The following ACSL5 variants were observed in gnomAD, a reference collection of about 807,000 sequenced individuals.
ACSL5 encodes the protein acyl-CoA synthetase long chain family member 5, also known as long-chain-fatty-acid--CoA ligase 5.
Under a neutral mutation model 84.9 loss-of-function variants are expected in ACSL5, and 50 were observed. The ratio of observed to expected loss-of-function variants is 0.59; its 90% CI spans 0.47 to 0.75. The LOEUF (loss-of-function observed/expected upper bound fraction) is 0.75. ACSL5 is among the 30% of genes least tolerant of loss of function. ACSL5 has a pLI of 0.00. For missense variants in ACSL5, 775 were observed against 830.4 expected (o/e 0.93, Z 0.82); for synonymous variants, 280 against 300.7 (o/e 0.93, Z 0.71).
At chr10:112,413,727 AAAAT>A (rs1844243016) in intron 12 of ACSL5, among the ~76,000 whole-genome samples, 1 of 152,202 alleles carries the variant, frequency 6.6e-6, no homozygotes, top group Non-Finnish European at 1.5e-5. Flanking sequence ...TCCATCTCAA[AAAAT>A]AAATAAAAAT....
intron 6 of ACSL5, 118 bp from the exon 7 acceptor site, chr10:112,409,389 G>A (rs1844123422): frequency 3.7e-6 from 3 of 800,794 alleles, no homozygotes; most frequent in East Asian, 2.5e-5. Context: ...ATTTGCAGGT[G>A]TAATCTCCTT....
intron 1 of ACSL5, among the ~76,000 whole-genome samples, chr10:112,386,945 A>G (rs1849466183): frequency 6.6e-6 from 1 of 152,214 alleles, no homozygotes; most frequent in African/African-American, 2.4e-5. Context: ...ACTGAAACAT[A>G]CTAGTTACCT....
At chr10:112,380,556 T>C (rs375898367) in intron 1 of ACSL5, among the ~76,000 whole-genome samples, 1 of 149,700 alleles carries the variant, frequency 6.7e-6, no homozygotes, top group Non-Finnish European at 1.5e-5. Flanking sequence ...CTTGTCCCAC[T>C]TTAGTGCCTC....
rs1288497566 is a variant in ACSL5, at chr10:112,408,483, C to A, written c.494C>A (p.Thr165Asn). 6.2e-7 allele frequency: 1 copy of A among 1,613,538 alleles called. No individual in the cohort carries two copies. Among genetic ancestry groups the A allele is most frequent in the Non-Finnish European group, 8.5e-7 (1 of 1,179,534 alleles). Reference sequence around the variant, plus strand: ...ATGGTAGCTGTACCTCTGTATGACACCTTGGGACCAGAAGCCATCGTACAT... The same window carrying A: ...ATGGTAGCTGTACCTCTGTATGACAACTTGGGACCAGAAGCCATCGTACAT... ...YSMVAVPLYD[T>N]LGPEAIVHIV... Residue 165 changes from threonine (T) to asparagine (N), a missense_variant, in exon 6 of 21, where the codon ACC becomes AAC. Physicochemically the swap from Thr to Asn is moderately conservative, Grantham distance 65. Coordinates refer to ENST00000354655, the MANE Select transcript of ACSL5 (RefSeq NM_203379.2).
At chr10:112,418,968 AC>A (rs1726825747) in intron 14 of ACSL5, 1 of 152,322 alleles carries the variant, frequency 6.6e-6, no homozygotes, top group East Asian at 1.9e-4. Flanking sequence ...GGTCAACCGT[AC>A]CCAAATAACT....
intron 1 of ACSL5, among the ~76,000 whole-genome samples, chr10:112,381,622 C>T (rs1215308677): frequency 3.5e-5 from 5 of 141,458 alleles, no homozygotes; most frequent in Non-Finnish European, 7.5e-5. Context: ...GAGCCAAGAT[C>T]GTACCACTGC....
intron 3 of ACSL5, among the ~76,000 whole-genome samples, chr10:112,400,356 C>T (rs184074444): frequency 2.0e-5 from 3 of 149,722 alleles, no homozygotes; most frequent in Non-Finnish European, 3.0e-5. Context: ...GCTAGGACTA[C>T]AGGCATGTGC....
intron 3 of ACSL5, among the ~76,000 whole-genome samples, chr10:112,401,872 TTC>T (rs1843918678): frequency 1.3e-5 from 2 of 150,674 alleles, no homozygotes; most frequent in African/African-American, 4.9e-5. Flanking sequence ...TTCTTTCTTT[TTC>T]TTTCTTTCCT....
chr10:112,425,118 C>T (rs1173831084), intron 17 of ACSL5: 4 of 358,202 alleles, frequency 1.1e-5, no homozygotes, highest in African/African-American at 4.2e-5. Flanking sequence ...TCTAAGGCTG[C>T]GCATTGACTC....
In ACSL5 at chr10:112,427,337, G is replaced by A. The variant is rs1284154946; in HGVS notation, c.2031G>A (p.Leu677=). ...ACTTTCGGACCCAAATTGACAGCCT[G>A]TATGAGCACATCCAGGATTAGGATA... The part of the protein sequence containing the change: ...SKYFRTQIDS[L]YEHIQD Residue 677 remains leucine (L), a synonymous_variant, in exon 21 of 21, where the codon CTG becomes CTA. Transcript: ENST00000354655. The A allele has an allele frequency of 6.2e-7, 1 of 1,613,282 alleles. No individual in the cohort carries two copies. The highest frequency in any genetic ancestry group is 1.6e-4 in the Middle Eastern group (1 of 6,062).
chr10:112,422,219 A>G, intron 16 of ACSL5, 106 bp from the exon 17 acceptor site: 1 of 1,099,708 alleles, frequency 9.1e-7, no homozygotes, highest in South Asian at 1.4e-5. Flanking sequence ...TTCACAGTGT[A>G]GTGGAAGCCA....
rs940509841 is a variant in ACSL5 at position 112,427,384 on chromosome 10, C to G, written c.*26C>G. On this transcript the variant is annotated 3_prime_UTR_variant, in exon 21 of 21. Transcript: ENST00000354655. ...GATAAGGTACTTAAGTACCTGCCGG[C>G]CCACTGTGCACTGCTTGTGAGAAAA... The G allele has an allele frequency of 1.3e-6, 2 of 1,595,788 alleles. No individual in the cohort carries two copies. Among genetic ancestry groups the G allele is most frequent in the Non-Finnish European group, 1.7e-6 (2 of 1,170,970 alleles).
chr10:112,379,418 A>AG (rs1272400821), intron 1 of ACSL5, among the ~76,000 whole-genome samples: 1 of 150,842 alleles, frequency 6.6e-6, no homozygotes, highest in African/African-American at 2.4e-5. Flanking sequence ...AAAAAAGAAA[A>AG]AAAAAAAAAA....
intron 12 of ACSL5, among the ~76,000 whole-genome samples, chr10:112,415,644 T>C (rs1844298420): frequency 6.6e-6 from 1 of 152,204 alleles, no homozygotes; most frequent in African/African-American, 2.4e-5. Flanking sequence ...GATAATGTTA[T>C]AGGCATAAGA....
At chr10:112,413,410 G>C in intron 12 of ACSL5, 103 bp downstream of exon 12, 1 of 1,375,024 alleles carries the variant, frequency 7.3e-7, no homozygotes, top group Non-Finnish European at 1.0e-6. Context: ...CCCTCTACAA[G>C]TATCTACGTA....
At position 112,398,929 on chromosome 10, in the gene ACSL5, A is replaced by T. The variant is rs1287152460; in HGVS notation, c.185A>T (p.Lys62Met). The change falls in exon 3 of 21, where the codon AAG becomes ATG. Residue 62 changes from lysine (K) to methionine (M), a missense_variant. Physicochemically the swap from Lys to Met is moderately conservative, Grantham distance 95 (BLOSUM62 -1). Transcript: ENST00000354655. Reference protein sequence around the residue: ...EGGARKGVSQKNNDLTSCCFS... With the variant: ...EGGARKGVSQMNNDLTSCCFS... ...GGAGCACGGAAGGGGGTTTCCCAGA[A>T]GAACAATGACCTAACAAGTTGCTGC... 2 of 1,614,102 alleles carry T rather than the reference A, an allele frequency of 1.2e-6. No individual in the cohort carries two copies. Among genetic ancestry groups the T allele is most frequent in the South Asian group, 2.2e-5 (2 of 91,068 alleles).
chr10:112,394,042 A>G (rs1843695215), intron 1 of ACSL5, among the ~76,000 whole-genome samples: 2 of 118,678 alleles, frequency 1.7e-5, no homozygotes, highest in African/African-American at 5.5e-5. Flanking sequence ...CCAGGAAAAG[A>G]TGGCTTCAGC....
intron 3 of ACSL5, among the ~76,000 whole-genome samples, chr10:112,403,094 G>C (rs1320453569): frequency 6.6e-6 from 1 of 152,182 alleles, no homozygotes; most frequent in Non-Finnish European, 1.5e-5. Context: ...GCACACCTCT[G>C]TGTGTGTTTC....
intron 7 of ACSL5, 171 bp from the exon 8 acceptor site, chr10:112,410,292 C>G: frequency 1.3e-6 from 2 of 1,546,026 alleles, no homozygotes; most frequent in Non-Finnish European, 1.7e-6. Context: ...TATGCTCTTC[C>G]CTGGGGCTTC....
Sources: allele counts gnomAD v4.1 joint callset (sites outside exome capture counted in the v4.1 genomes callset), GRCh38; gene constraint gnomAD v4.1.1; transcripts MANE v1.5; gene names NCBI Gene and HGNC (gene_info 2026-07-23, HGNC 2026-07-21).